The following RBFOX1 variants were observed in gnomAD, a reference collection of about 807,000 sequenced individuals.
RBFOX1 encodes RNA binding protein fox-1 homolog 1.
RBFOX1 carries 8 observed loss-of-function variants against 57.7 expected under a neutral mutation model. The observed-to-expected ratio is 0.14, with a 90% CI of 0.08 to 0.25. The LOEUF (loss-of-function observed/expected upper bound fraction) is 0.25. RBFOX1 is among the 10% of genes least tolerant of loss of function. The probability of loss-of-function intolerance (pLI) is 1.00; values close to 1 mark genes in which losing one functional copy is unlikely to be tolerated. For synonymous variants in RBFOX1, 326 were observed against 222.4 expected (o/e 1.47, Z -4.15); for missense variants, 611 against 548.5 (o/e 1.11, Z -1.14).
intron 2 of RBFOX1, among the ~76,000 whole-genome samples, chr16:6,563,972 T>C (rs1338735913): frequency 1.3e-5 from 2 of 151,768 alleles, no homozygotes; most frequent in Non-Finnish European, 2.9e-5. Flanking sequence ...TTCTTCAACA[T>C]GAGATTTGGA....
chr16:6,506,624 ATTTTTTTTT>A lies in RBFOX1; in HGVS notation c.-63-147946_-63-147938del, dbSNP rs71145238. Among the ~76,000 whole-genome samples, 72 of 98,454 alleles carry A rather than the reference ATTTTTTTTT, an allele frequency of 7.3e-4. 5 individuals carry two copies. The highest frequency in any genetic ancestry group is 2.9e-3 in the African/African-American group (66 of 22,968). 64.6% of individuals were successfully genotyped at this position (98,454 alleles called of 152,430 possible). On this transcript the variant is annotated intron_variant, in intron 2 of 15. Coordinates refer to ENST00000550418, the MANE Select transcript of RBFOX1 (RefSeq NM_018723.4). ...ACGGTAATAACAATCACAGTAGCTAATTTTTTTTTTTTTTTTTTTTTTTTTTTTTTTTTT... is the reference window on the plus strand; with the variant it reads ...ACGGTAATAACAATCACAGTAGCTAATTTTTTTTTTTTTTTTTTTTTTTTT...
intron 4 of RBFOX1, among the ~76,000 whole-genome samples, chr16:7,203,299 CG>C (rs1228693057): frequency 6.6e-6 from 1 of 152,126 alleles, no homozygotes; most frequent in Non-Finnish European, 1.5e-5. Flanking sequence ...CAAAAACACA[CG>C]CACTGTATAA....
chr16:5,763,461 C>G (rs1399795093), intron 3 of RBFOX1, among the ~76,000 whole-genome samples: 1 of 152,210 alleles, frequency 6.6e-6, no homozygotes, highest in Non-Finnish European at 1.5e-5. Flanking sequence ...CAGATTCTGG[C>G]TGTGAGAAAA....
At chr16:6,431,343 A>C (rs1304313066) in intron 2 of RBFOX1, among the ~76,000 whole-genome samples, 3 of 151,932 alleles carry the variant, frequency 2.0e-5, no homozygotes, top group African/African-American at 7.3e-5. Context: ...GGTGGATGGC[A>C]ACAGAGGAAA....
chr16:7,374,278 C>T (rs1036635920), intron 4 of RBFOX1, among the ~76,000 whole-genome samples: 16 of 152,138 alleles, frequency 1.1e-4, no homozygotes, highest in Non-Finnish European at 1.6e-4. Flanking sequence ...TCCGTGTTTT[C>T]GCTGTGTAAG....
intron 3 of RBFOX1, among the ~76,000 whole-genome samples, chr16:6,699,898 C>T (rs117938295): frequency 0.016 from 2,382 of 152,126 alleles, 38 homozygotes; most frequent in Non-Finnish European, 0.023. Flanking sequence ...CAATTTGGGC[C>T]CAAAGGTAAT....
intron 3 of RBFOX1, among the ~76,000 whole-genome samples, chr16:5,763,126 G>A (rs1287675112): frequency 1.3e-5 from 2 of 152,142 alleles, no homozygotes; most frequent in Non-Finnish European, 2.9e-5. Flanking sequence ...GAACATAAAT[G>A]CGCCCAACAC....
intron 3 of RBFOX1, among the ~76,000 whole-genome samples, chr16:5,817,699 A>T (rs1223549491): frequency 7.1e-6 from 1 of 141,340 alleles, no homozygotes; most frequent in East Asian, 2.1e-4. Context: ...TGTGGGCTGT[A>T]TTTTTTTTTT....
chr16:6,070,322 T>C (rs548959341), intron 1 of RBFOX1, among the ~76,000 whole-genome samples: 1 of 152,222 alleles, frequency 6.6e-6, no homozygotes, highest in Non-Finnish European at 1.5e-5. Flanking sequence ...AGGGTTGTTA[T>C]TAGCTCTTAG....
chr16:6,178,133 C>T (rs1179206557), intron 1 of RBFOX1, among the ~76,000 whole-genome samples: 1 of 150,486 alleles, frequency 6.6e-6, no homozygotes, highest in East Asian at 1.9e-4. Context: ...TCATGGACAC[C>T]TGGGGACCAG....
chr16:7,493,535 G>T (rs1373433962), intron 4 of RBFOX1, among the ~76,000 whole-genome samples: 1 of 152,212 alleles, frequency 6.6e-6, no homozygotes, highest in Non-Finnish European at 1.5e-5. Flanking sequence ...GATGAGTCCA[G>T]TGTAATCACA....
intron 3 of RBFOX1, among the ~76,000 whole-genome samples, chr16:6,934,773 C>A (rs80140064): frequency 2.0e-5 from 3 of 152,026 alleles, no homozygotes; most frequent in East Asian, 3.9e-4. Flanking sequence ...AAAGGGGCCA[C>A]GCTTTGTGTA....
At chr16:5,288,286 A>G (rs1375650102) in intron 1 of RBFOX1, among the ~76,000 whole-genome samples, 2 of 152,352 alleles carry the variant, frequency 1.3e-5, no homozygotes, top group East Asian at 3.9e-4. Flanking sequence ...ACCACAAAGA[A>G]GGCCGGCTGT....
Position 6,802,807 on chromosome 16 carries a change from A to C in RBFOX1, c.-16+148157A>C, listed in dbSNP as rs148475227. 3.5e-4 allele frequency among the ~76,000 whole-genome samples: 53 copies of C among 152,356 alleles called. 1 individual carries two copies. In the East Asian group the frequency reaches 0.01, roughly 29 times the overall value. ...ATACTCTTGAAGTAGGCTGACCCAA[A>C]ATATTTTTCGGAGACTTGGCTATGA... is the stretch of plus-strand genomic sequence containing the variant. On this transcript the variant is annotated intron_variant, in intron 3 of 15. Coordinates refer to ENST00000550418, the MANE Select transcript of RBFOX1 (RefSeq NM_018723.4).
chr16:7,596,952 C>T (rs1194995096), intron 8 of RBFOX1, among the ~76,000 whole-genome samples: 2 of 152,078 alleles, frequency 1.3e-5, no homozygotes, highest in African/African-American at 4.8e-5. Flanking sequence ...CTTTTTTTGA[C>T]ATTTATGTTC....
intron 4 of RBFOX1, among the ~76,000 whole-genome samples, chr16:7,395,621 G>T (rs2098127416): frequency 6.6e-6 from 1 of 152,162 alleles, no homozygotes; most frequent in African/African-American, 2.4e-5. Flanking sequence ...GATTGAGGGG[G>T]TGTTTGCAGG....
chr16:6,293,654 A>C (rs1393432513), intron 1 of RBFOX1, among the ~76,000 whole-genome samples: 1 of 152,148 alleles, frequency 6.6e-6, no homozygotes, highest in African/African-American at 2.4e-5. Flanking sequence ...TGAATACAAG[A>C]TCATAGAAAC....
chr16:5,369,948 T>TG (rs1195965229), intron 1 of RBFOX1, among the ~76,000 whole-genome samples: 1 of 152,134 alleles, frequency 6.6e-6, no homozygotes, highest in Non-Finnish European at 1.5e-5. Flanking sequence ...GATGGGGTCA[T>TG]GGGGAGGCAT....
At chr16:7,701,456 T>G (rs2080701964) in intron 14 of RBFOX1, among the ~76,000 whole-genome samples, 1 of 152,164 alleles carries the variant, frequency 6.6e-6, no homozygotes, top group Non-Finnish European at 1.5e-5. Flanking sequence ...GGCATCTAGG[T>G]TGCACACTCC....
Sources: gnomAD v4.1 joint callset for allele counts (sites outside exome capture counted in the v4.1 genomes callset) on GRCh38, gnomAD v4.1.1 for gene constraint, MANE v1.5 for transcripts, NCBI Gene and HGNC (gene_info 2026-07-23, HGNC 2026-07-21) for gene names.